PDZRN3: variants seen among roughly 807,000 people sequenced by gnomAD.
PDZRN3 encodes PDZ domain containing ring finger 3, also known as E3 ubiquitin-protein ligase PDZRN3.
Under a neutral mutation model 85.7 loss-of-function variants are expected in PDZRN3, and 38 were observed. That is an observed-to-expected ratio of 0.44 (90% CI 0.34 to 0.58). PDZRN3 has a LOEUF of 0.58. Ranked by LOEUF, PDZRN3 falls within the 20% of genes least tolerant of loss-of-function variation. The pLI is 0.01. For synonymous variants in PDZRN3, 759 were observed against 638.0 expected, an observed-to-expected ratio of 1.19 and a Z score of -2.86; for missense variants, 1,629 against 1,506.4, an observed-to-expected ratio of 1.08 and a Z score of -1.35.
At chr3:73,400,494 A>G (rs1001810134) in intron 5 of PDZRN3, among the ~76,000 whole-genome samples, 2 of 152,196 alleles carry the variant, frequency 1.3e-5, no homozygotes, top group Non-Finnish European at 1.5e-5. Context: ...GCAGTGAACA[A>G]ACCCTTTTGT....
chr3:73,421,997 G>T (rs1322427976), intron 3 of PDZRN3, among the ~76,000 whole-genome samples: 2 of 152,156 alleles, frequency 1.3e-5, no homozygotes, highest in Non-Finnish European at 2.9e-5. Context: ...TCTTGTTTGG[G>T]TCTTTATATG....
At position 73,532,614 on chromosome 3, in the gene PDZRN3, G is replaced by A. The variant is rs948793187; in HGVS notation, c.918+69740C>T. ...TACCTTGTCTAAGTTTTCACAGGCC[G>A]ACAGCAGCAGGATTGGAACTTGGGT... On this transcript the variant is annotated intron_variant, in intron 3 of 9. Coordinates refer to ENST00000263666, the MANE Select transcript of PDZRN3 (RefSeq NM_015009.3). 4.6e-5 allele frequency among the ~76,000 whole-genome samples: 7 copies of A among 152,170 alleles called. No individual in the cohort carries two copies. The East Asian group carries it at 7.7e-4, about 17-fold the overall frequency.
At chr3:73,434,016 C>T (rs534886264) in intron 3 of PDZRN3, 47 of 1,121,388 alleles carry the variant, frequency 4.2e-5, no homozygotes, top group Admixed American at 1.1e-4. Flanking sequence ...CCAATGCACA[C>T]GCTATATATA....
intron 8 of PDZRN3, among the ~76,000 whole-genome samples, chr3:73,386,701 TG>T (rs1272181238): frequency 6.6e-6 from 1 of 152,226 alleles, no homozygotes; most frequent in African/African-American, 2.4e-5. Context: ...CTAGCAGTCA[TG>T]GCAGAGATGG....
At chr3:73,574,777 C>T (rs952364424) in intron 3 of PDZRN3, among the ~76,000 whole-genome samples, 6 of 152,198 alleles carry the variant, frequency 3.9e-5, no homozygotes, top group African/African-American at 1.2e-4. Context: ...AAACCAGTAT[C>T]GACTAAATCT....
chr3:73,517,294 C>A (rs1351064080), intron 3 of PDZRN3, among the ~76,000 whole-genome samples: 1 of 152,176 alleles, frequency 6.6e-6, no homozygotes. Flanking sequence ...CAGAACAAAT[C>A]ACAGTTTCTT....
chr3:73,592,357 AT>A, intron 3 of PDZRN3, among the ~76,000 whole-genome samples: 1 of 150,048 alleles, frequency 6.7e-6, no homozygotes, highest in East Asian at 2.0e-4. Context: ...GCTGACTTGC[AT>A]TTTTTCTTTT....
At position 73,383,056 on chromosome 3, in the gene PDZRN3, AGTATGCTTAATAAAAGAT is replaced by A. The variant is rs1703277268; in HGVS notation, c.*291_*308del. 3.9e-6 allele frequency: 1 copy of A among 256,854 alleles called. No individual in the cohort carries two copies. The highest frequency in any genetic ancestry group is 4.8e-5 in the Admixed American group (1 of 21,026). 15.9% of individuals were successfully genotyped at this position (256,854 alleles called of 1,614,324 possible). A position where few individuals can be genotyped will look rare whatever the true frequency, so the allele number is the denominator to read the frequency against. On this transcript the variant is annotated 3_prime_UTR_variant, in exon 10 of 10. Coordinates refer to ENST00000263666, the MANE Select transcript of PDZRN3 (RefSeq NM_015009.3). ...TAGTTTAAACAAGTTATTCTGTGAA[AGTATGCTTAATAAAAGAT>A]CTTTCTGAAATTTAAACACTTTATG...
chr3:73,526,887 C>T (rs1704537421), intron 3 of PDZRN3, among the ~76,000 whole-genome samples: 1 of 151,804 alleles, frequency 6.6e-6, no homozygotes, highest in Non-Finnish European at 1.5e-5. Context: ...TTGTTCTTGT[C>T]GCCCAGGGTG....
chr3:73,465,420 GCTAC>G (rs1703193988), intron 3 of PDZRN3, among the ~76,000 whole-genome samples: 1 of 152,138 alleles, frequency 6.6e-6, no homozygotes, highest in Non-Finnish European at 1.5e-5. Context: ...CATTCACTGA[GCTAC>G]CTGTTTCCAG....
At chr3:73,623,923 C>G in intron 1 of PDZRN3, 180 bp downstream of exon 1, 1 of 536,884 alleles carries the variant, frequency 1.9e-6, no homozygotes, top group Non-Finnish European at 3.1e-6. Context: ...CACAGTGTTC[C>G]ACCTCAGGCA....
chr3:73,476,282 G>A (rs1455752658), intron 3 of PDZRN3, among the ~76,000 whole-genome samples: 1 of 152,198 alleles, frequency 6.6e-6, no homozygotes, highest in Non-Finnish European at 1.5e-5. Context: ...AGAAGGTGAA[G>A]GGGAAGCTGG....
chr3:73,434,305 A>T (rs779175018), intron 3 of PDZRN3, among the ~76,000 whole-genome samples: 4 of 152,234 alleles, frequency 2.6e-5, no homozygotes, highest in Non-Finnish European at 5.9e-5. Flanking sequence ...ATTTCTGATG[A>T]TATAAAATGT....
chr3:73,384,626 C>T lies in PDZRN3; in HGVS notation c.1940G>A (p.Arg647His). 2 of 1,613,822 alleles carry T rather than the reference C, an allele frequency of 1.2e-6. No homozygotes were observed. Among genetic ancestry groups the T allele is most frequent in the Non-Finnish European group, 1.7e-6 (2 of 1,180,028 alleles). The change falls in exon 10 of 10, where the codon CGC becomes CAC. Residue 647 changes from arginine to histidine, a missense_variant. Physicochemically the swap from Arg to His is conservative, Grantham distance 29. Transcript: ENST00000263666. ...GIPVDECERF[R>H]ELLELKCQVK... ...CTGGCACTTGAGCTCCAGGAGCTCGCGGAAGCGCTCGCACTCGTCCACCGG... is the reference window on the plus strand; with the variant it reads ...CTGGCACTTGAGCTCCAGGAGCTCGTGGAAGCGCTCGCACTCGTCCACCGG...
chr3:73,479,938 G>C (rs1478370905), intron 3 of PDZRN3, among the ~76,000 whole-genome samples: 1 of 152,140 alleles, frequency 6.6e-6, no homozygotes, highest in Non-Finnish European at 1.5e-5. Flanking sequence ...CAAGGGACAG[G>C]GTAGTACATT....
intron 5 of PDZRN3, among the ~76,000 whole-genome samples, chr3:73,394,457 T>A (rs952949847): frequency 3.3e-5 from 5 of 152,158 alleles, no homozygotes; most frequent in African/African-American, 4.8e-5. Context: ...AAAACAGACA[T>A]AAGAATGGCA....
chr3:73,405,522 T>A (rs1701835471), intron 3 of PDZRN3, among the ~76,000 whole-genome samples: 1 of 152,194 alleles, frequency 6.6e-6, no homozygotes, highest in Non-Finnish European at 1.5e-5. Context: ...GGTTGGTTTT[T>A]AAAAAGCAAA....
chr3:73,469,893 T>G (rs1360213819), intron 3 of PDZRN3, among the ~76,000 whole-genome samples: 2 of 152,254 alleles, frequency 1.3e-5, no homozygotes, highest in East Asian at 3.8e-4. Context: ...TCAGCCCTGT[T>G]GACATCTTGG....
At chr3:73,387,706 A>G (rs1246169516) in intron 8 of PDZRN3, among the ~76,000 whole-genome samples, 3 of 152,098 alleles carry the variant, frequency 2.0e-5, no homozygotes, top group African/African-American at 7.2e-5. Flanking sequence ...TTTCCATTCA[A>G]TTCTGTTTCC....
Sources: gnomAD v4.1 joint callset for allele counts (sites outside exome capture counted in the v4.1 genomes callset) on GRCh38, gnomAD v4.1.1 for gene constraint, MANE v1.5 for transcripts, NCBI Gene and HGNC (gene_info 2026-07-23, HGNC 2026-07-21) for gene names.